The following DPP4 variants were observed in gnomAD, a reference collection of about 807,000 sequenced individuals.
DPP4 encodes the protein dipeptidyl peptidase 4, also known as ADCP-2.
DPP4 carries 93 observed loss-of-function variants against 122.4 expected under a neutral mutation model. The ratio of observed to expected loss-of-function variants is 0.76; its 90% CI spans 0.64 to 0.90. The LOEUF (loss-of-function observed/expected upper bound fraction) is 0.90, where lower values mean the gene tolerates loss of function less well. Ranked by LOEUF, DPP4 falls within the 40% of genes least tolerant of loss-of-function variation. The pLI is 0.00. For synonymous variants in DPP4, 321 were observed against 302.9 expected (o/e 1.06, Z -0.62); for missense variants, 914 against 907.3 (o/e 1.01, Z -0.09).
chr2:162,048,952 A>G (rs972537530), intron 2 of DPP4, among the ~76,000 whole-genome samples: 5 of 152,228 alleles, frequency 3.3e-5, no homozygotes, highest in African/African-American at 1.2e-4. Flanking sequence ...TGGTTAATGT[A>G]GGATATCATC....
chr2:162,061,423 C>A (rs1197891329), intron 2 of DPP4, among the ~76,000 whole-genome samples: 1 of 152,182 alleles, frequency 6.6e-6, no homozygotes, highest in African/African-American at 2.4e-5. Context: ...ACATTCATTT[C>A]TCTCTCCTCA....
intron 15 of DPP4, 146 bp from the exon 16 acceptor site, chr2:162,018,996 A>T: frequency 9.6e-7 from 1 of 1,046,698 alleles, no homozygotes; most frequent in Non-Finnish European, 1.4e-6. Context: ...AAATAAATAC[A>T]TGAATTAATA....
intron 13 of DPP4, 66 bp downstream of exon 13, chr2:162,020,515 A>T: frequency 7.9e-7 from 1 of 1,264,510 alleles, no homozygotes; most frequent in Non-Finnish European, 1.1e-6. Flanking sequence ...AATGATTTCC[A>T]CTTCAAGTTG....
intron 5 of DPP4, among the ~76,000 whole-genome samples, chr2:162,044,592 G>C (rs781221216): frequency 5.3e-5 from 8 of 152,102 alleles, no homozygotes; most frequent in Non-Finnish European, 1.0e-4. Context: ...GCAATACAGG[G>C]TATCTTTACA....
intron 22 of DPP4, among the ~76,000 whole-genome samples, chr2:162,007,622 T>C (rs985250537): frequency 6.6e-6 from 1 of 152,134 alleles, no homozygotes; most frequent in African/African-American, 2.4e-5. Context: ...TACAAAGATT[T>C]ACTCCATTAT....
At chr2:162,018,601 A>C in intron 16 of DPP4, 128 bp downstream of exon 16, 1 of 1,230,256 alleles carries the variant, frequency 8.1e-7, no homozygotes, top group East Asian at 2.4e-5. Flanking sequence ...CTCACTACTT[A>C]AATGTGAGTG....
At chr2:162,019,726 G>T (rs1392007191) in intron 14 of DPP4, among the ~76,000 whole-genome samples, 1 of 151,864 alleles carries the variant, frequency 6.6e-6, no homozygotes, top group Admixed American at 6.6e-5. Flanking sequence ...TTCGGGCGGC[G>T]GCAAAATTCC....
chr2:162,022,875 A>G (rs1280107228), intron 11 of DPP4, 76 bp from the exon 12 acceptor site: 1 of 1,431,170 alleles, frequency 7.0e-7, no homozygotes, highest in Non-Finnish European at 9.8e-7. Context: ...TTGTGGTAAT[A>G]TAAATAGAGC....
At chr2:162,037,080 A>G (rs1057003682) in intron 8 of DPP4, among the ~76,000 whole-genome samples, 5 of 152,228 alleles carry the variant, frequency 3.3e-5, no homozygotes, top group African/African-American at 1.2e-4. Flanking sequence ...ATTTTTCTGT[A>G]TTGACAATGT....
intron 20 of DPP4, among the ~76,000 whole-genome samples, chr2:162,010,638 A>T (rs1207741914): frequency 6.6e-6 from 1 of 152,192 alleles, no homozygotes; most frequent in Non-Finnish European, 1.5e-5. Context: ...GCCCTCTCTC[A>T]TAGAGGAGCG....
chr2:162,035,385 CA>C, intron 8 of DPP4, 61 bp from the exon 9 acceptor site: 1 of 1,511,778 alleles, frequency 6.6e-7, no homozygotes, highest in Non-Finnish European at 9.1e-7. Flanking sequence ...CTTTGGCATT[CA>C]AAATATTGTT....
chr2:162,055,147 T>C (rs916252719), intron 2 of DPP4, among the ~76,000 whole-genome samples: 1 of 152,200 alleles, frequency 6.6e-6, no homozygotes, highest in African/African-American at 2.4e-5. Context: ...AACAATTACA[T>C]TGAGAAAAAT....
chr2:162,034,036 G>A (rs970072874), intron 9 of DPP4, among the ~76,000 whole-genome samples: 4 of 151,710 alleles, frequency 2.6e-5, no homozygotes, highest in Admixed American at 6.6e-5. Context: ...CTGTCTCCCT[G>A]AGACCAAAAG....
In DPP4 at chr2:162,024,930, G is replaced by A; in HGVS notation, c.897C>T (p.Tyr299=). 5.6e-6 allele frequency: 9 copies of A among 1,613,286 alleles called. No individual in the cohort carries two copies. The highest frequency in any genetic ancestry group is 6.8e-6 in the Non-Finnish European group (8 of 1,179,978). Residue 299 remains tyrosine (Y), a synonymous_variant, in exon 11 of 26, where the codon TAC becomes TAT. Transcript: ENST00000360534. The part of the protein sequence containing the change: ...APASMLIGDH[Y]LCDVTWATQE... Reference sequence around the variant, plus strand: ...GTGTTGCCCATGTCACATCACACAAGTAGTGATCCCTGGAAGGAAGAAAGA... The same window carrying A: ...GTGTTGCCCATGTCACATCACACAAATAGTGATCCCTGGAAGGAAGAAAGA...
At chr2:162,033,760 A>G in intron 9 of DPP4, 107 bp from the exon 10 acceptor site, 3 of 669,460 alleles carry the variant, frequency 4.5e-6, no homozygotes, top group Non-Finnish European at 7.4e-6. Flanking sequence ...TCATAAAATT[A>G]TCACAATCAG....
chr2:162,018,712 A>G lies in DPP4; in HGVS notation c.1420+17T>C. ...AACAGCGGCGACTGCCCTCCCTCCC[A>G]GGGAGCTCAGACTTACCGGAACATC... On this transcript the variant is annotated intron_variant, in intron 16 of 25. Transcript: ENST00000360534. 1 of 1,611,866 alleles carries G rather than the reference A, an allele frequency of 6.2e-7. No homozygotes were observed. Among genetic ancestry groups the G allele is most frequent in the East Asian group, 2.2e-5 (1 of 44,860 alleles).
chr2:162,019,561 A>T (rs1295309331), intron 14 of DPP4, among the ~76,000 whole-genome samples: 1 of 152,116 alleles, frequency 6.6e-6, no homozygotes, highest in Admixed American at 6.5e-5. Context: ...CTGTCAAAAA[A>T]AAAATAGGAC....
intron 5 of DPP4, among the ~76,000 whole-genome samples, chr2:162,045,257 G>C (rs1684131130): frequency 6.6e-6 from 1 of 152,028 alleles, no homozygotes; most frequent in South Asian, 2.1e-4. Flanking sequence ...ATGTGTGTAA[G>C]TACAAATTTT....
intron 5 of DPP4, among the ~76,000 whole-genome samples, chr2:162,043,417 G>A (rs1314916719): frequency 6.6e-6 from 1 of 152,126 alleles, no homozygotes; most frequent in East Asian, 1.9e-4. Flanking sequence ...TAGTACTTTC[G>A]ATACTGTCTG....
Sources: allele counts gnomAD v4.1 joint callset (sites outside exome capture counted in the v4.1 genomes callset), GRCh38; gene constraint gnomAD v4.1.1; transcripts MANE v1.5; gene names NCBI Gene and HGNC (gene_info 2026-07-23, HGNC 2026-07-21).